The following RERE variants were observed in gnomAD, a reference collection of about 807,000 sequenced individuals.
The protein encoded by RERE is arginine-glutamic acid dipeptide repeats protein.
RERE carries 40 observed loss-of-function variants against 146.1 expected under a neutral mutation model. The observed-to-expected ratio is 0.27, with a 90% CI of 0.21 to 0.36. The LOEUF (loss-of-function observed/expected upper bound fraction) is 0.36, where lower values mean the gene tolerates loss of function less well. Ranked by LOEUF, RERE falls within the 10% of genes least tolerant of loss-of-function variation. The pLI is 1.00. For synonymous variants in RERE, 1,003 were observed against 866.0 expected, an observed-to-expected ratio of 1.16 and a Z score of -2.78; for missense variants, 1,933 against 2,138.7, an observed-to-expected ratio of 0.90 and a Z score of 1.90.
rs1213042399 is a variant in RERE at position 8,353,635 on chromosome 1, GCT to G, written c.*1450_*1451del. 3.3e-5 allele frequency: 5 copies of G among 152,276 alleles called. No individual in the cohort carries two copies. Among genetic ancestry groups the G allele is most frequent in the Non-Finnish European group, 7.3e-5 (5 of 68,088 alleles). The allele number at this position is 152,276 out of a possible 1,614,324, so 9.4% of individuals were successfully genotyped here. A position where few individuals can be genotyped will look rare whatever the true frequency, so the allele number is the denominator to read the frequency against. On this transcript the variant is annotated 3_prime_UTR_variant, in exon 23 of 23. Transcript: ENST00000400908. Reference sequence around the variant, plus strand: ...GGCTGCAGCCTGGAAACGAGGGCAGGCTCTCTCCAGGACGGTTCCGCTCAGAA... The same window carrying G: ...GGCTGCAGCCTGGAAACGAGGGCAGGCTCTCCAGGACGGTTCCGCTCAGAA...
chr1:8,581,367 T>C (rs1428823713), intron 4 of RERE, among the ~76,000 whole-genome samples: 1 of 152,220 alleles, frequency 6.6e-6, no homozygotes, highest in Non-Finnish European at 1.5e-5. Context: ...TTTTTTTAAA[T>C]GTATTCTGCA....
intron 12 of RERE, among the ~76,000 whole-genome samples, chr1:8,376,647 G>A (rs1191178848): frequency 3.3e-5 from 5 of 152,194 alleles, no homozygotes; most frequent in African/African-American, 1.2e-4. Flanking sequence ...GGCAACATAT[G>A]TCCCAGAAAT....
chr1:8,370,578 T>C (rs1641998737), intron 12 of RERE, among the ~76,000 whole-genome samples: 1 of 152,212 alleles, frequency 6.6e-6, no homozygotes, highest in Non-Finnish European at 1.5e-5. Context: ...ACCACTGTTA[T>C]GCCTATCAAG....
At chr1:8,625,557 C>T (rs1646964618) in intron 2 of RERE, among the ~76,000 whole-genome samples, 2 of 152,198 alleles carry the variant, frequency 1.3e-5, no homozygotes, top group Admixed American at 6.5e-5. Context: ...CCCCCTGCCT[C>T]GGCCTCCCAA....
chr1:8,391,381 G>A (rs1304659656), intron 12 of RERE, among the ~76,000 whole-genome samples: 1 of 152,112 alleles, frequency 6.6e-6, no homozygotes, highest in South Asian at 2.1e-4. Context: ...TACTGCCATG[G>A]AGCACACAAG....
At chr1:8,792,882 T>A (rs1451685166) in intron 1 of RERE, among the ~76,000 whole-genome samples, 2 of 151,820 alleles carry the variant, frequency 1.3e-5, no homozygotes, top group African/African-American at 2.4e-5. Context: ...GAAGGCCGGG[T>A]GCAGTGGCTC....
At chr1:8,526,370 T>C (rs1364942041) in intron 7 of RERE, among the ~76,000 whole-genome samples, 1 of 151,114 alleles carries the variant, frequency 6.6e-6, no homozygotes, top group African/African-American at 2.4e-5. Context: ...AAGACAGATA[T>C]GAATGACTAC....
chr1:8,367,995 G>A (rs1557592788), intron 12 of RERE, among the ~76,000 whole-genome samples: 1 of 152,188 alleles, frequency 6.6e-6, no homozygotes, highest in African/African-American at 2.4e-5. Flanking sequence ...AATCAAGGCA[G>A]GGAGCAGTCA....
chr1:8,682,697 G>A (rs1433790444), intron 1 of RERE, among the ~76,000 whole-genome samples: 1 of 152,108 alleles, frequency 6.6e-6, no homozygotes, highest in African/African-American at 2.4e-5. Context: ...CTAGAAATGT[G>A]AAGCATGTAA....
intron 11 of RERE, among the ~76,000 whole-genome samples, chr1:8,451,356 C>A (rs1218844975): frequency 1.3e-5 from 2 of 152,116 alleles, no homozygotes; most frequent in African/African-American, 4.8e-5. Context: ...AGCTTGAACC[C>A]GGAAGGCAGA....
At chr1:8,557,545 C>T in intron 4 of RERE, 22 bp from the exon 5 acceptor site, 1 of 1,507,438 alleles carries the variant, frequency 6.6e-7, no homozygotes, top group East Asian at 2.3e-5. Flanking sequence ...AATCTAACAG[C>T]ATTAGGAACA....
intron 4 of RERE, among the ~76,000 whole-genome samples, chr1:8,564,826 A>ATATGTGTGTGTG (rs1384858524): frequency 0.017 from 2,032 of 117,152 alleles, 29 homozygotes; most frequent in African/African-American, 0.029. Flanking sequence ...GTGTGTGTAT[A>ATATGTGTGTGTG]TGTGTATGTG....
intron 2 of RERE, among the ~76,000 whole-genome samples, chr1:8,651,615 C>CT (rs1052044181): frequency 1.1e-4 from 16 of 151,938 alleles, no homozygotes; most frequent in African/African-American, 3.6e-4. Context: ...AATCCCAGCA[C>CT]TTTGGGAAGC....
At chr1:8,522,269 T>C (rs1645511481) in intron 7 of RERE, among the ~76,000 whole-genome samples, 1 of 152,272 alleles carries the variant, frequency 6.6e-6, no homozygotes, top group African/African-American at 2.4e-5. Flanking sequence ...TTAGCTATTA[T>C]TTTCTACCTT....
At chr1:8,767,624 G>GA (rs1324223588) in intron 1 of RERE, among the ~76,000 whole-genome samples, 2 of 147,620 alleles carry the variant, frequency 1.4e-5, no homozygotes, top group East Asian at 2.0e-4. Flanking sequence ...AAAAGAGAAA[G>GA]AAAAAAAATG....
chr1:8,408,260 A>C (rs900495163), intron 12 of RERE, among the ~76,000 whole-genome samples: 2 of 152,180 alleles, frequency 1.3e-5, no homozygotes, highest in African/African-American at 4.8e-5. Flanking sequence ...ACGGGAAATA[A>C]ACCTAATCAA....
chr1:8,474,648 C>T (rs959813459), intron 10 of RERE, among the ~76,000 whole-genome samples: 16 of 152,226 alleles, frequency 1.1e-4, no homozygotes, highest in Non-Finnish European at 2.4e-4. Flanking sequence ...CCATGAATTA[C>T]ATCTCCCTGC....
chr1:8,445,836 C>A (rs973728298), intron 11 of RERE, among the ~76,000 whole-genome samples: 3 of 151,190 alleles, frequency 2.0e-5, no homozygotes, highest in Non-Finnish European at 4.4e-5. Context: ...CCCCCACCCC[C>A]CAACAGGCCC....
chr1:8,475,905 A>C (rs1644750183), intron 10 of RERE, among the ~76,000 whole-genome samples: 1 of 152,204 alleles, frequency 6.6e-6, no homozygotes, highest in Non-Finnish European at 1.5e-5. Flanking sequence ...AGAGGCTAAA[A>C]TTTGTCTGAA....
Sources: gnomAD v4.1 joint callset for allele counts (sites outside exome capture counted in the v4.1 genomes callset) on GRCh38, gnomAD v4.1.1 for gene constraint, MANE v1.5 for transcripts, NCBI Gene and HGNC (gene_info 2026-07-23, HGNC 2026-07-21) for gene names.